KLHL8: variants seen among roughly 807,000 people sequenced by gnomAD.
The protein encoded by KLHL8 is kelch like family member 8, also known as kelch-like protein 8.
KLHL8 carries 38 observed loss-of-function variants against 63.5 expected under a neutral mutation model. The observed-to-expected ratio is 0.60, with a 90% CI of 0.46 to 0.78. The LOEUF is 0.78. KLHL8 is among the 30% of genes least tolerant of loss of function. KLHL8 has a pLI of 0.00. For missense variants in KLHL8, 566 were observed against 752.4 expected, an observed-to-expected ratio of 0.75 and a Z score of 2.90; for synonymous variants, 224 against 254.3, an observed-to-expected ratio of 0.88 and a Z score of 1.13.
intron 1 of KLHL8, among the ~76,000 whole-genome samples, chr4:87,202,808 T>C (rs1731972239): frequency 6.6e-6 from 1 of 152,180 alleles, no homozygotes. Flanking sequence ...TTCCAACTTA[T>C]TTCATGAGAA....
chr4:87,233,114 A>C (rs1733166884), intron 1 of KLHL8, among the ~76,000 whole-genome samples: 1 of 151,906 alleles, frequency 6.6e-6, no homozygotes, highest in Non-Finnish European at 1.5e-5. Context: ...ATCTTGGCTC[A>C]CTGCAACCTT....
rs71660119 is a variant in KLHL8, at chr4:87,161,041, C to CTTTTTTTT, written c.*2470_*2477dup. 1 of 115,084 alleles carries CTTTTTTTT rather than the reference C, an allele frequency of 8.7e-6. No homozygotes were observed. Among genetic ancestry groups the CTTTTTTTT allele is most frequent in the Non-Finnish European group, 1.7e-5 (1 of 57,794 alleles). The allele number at this position is 115,084 out of a possible 1,614,324, so 7.1% of individuals were successfully genotyped here. A position where few individuals can be genotyped will look rare whatever the true frequency, so the allele number is the denominator to read the frequency against. ...GCACATATTGATTCTGCTTTTTTATCTTTTTTTTTTTTTTTTTTTTGAGAT... is the reference window on the plus strand; with the variant it reads ...GCACATATTGATTCTGCTTTTTTATCTTTTTTTTTTTTTTTTTTTTTTTTTTTTGAGAT... On this transcript the variant is annotated 3_prime_UTR_variant, in exon 10 of 10. Transcript: ENST00000273963.
intron 8 of KLHL8, among the ~76,000 whole-genome samples, chr4:87,164,508 T>G (rs1160188582): frequency 2.0e-5 from 3 of 152,230 alleles, no homozygotes; most frequent in African/African-American, 2.4e-5. Flanking sequence ...TGAATCATGA[T>G]TCATCCAGAT....
chr4:87,214,279 A>G (rs1322074695), intron 1 of KLHL8, among the ~76,000 whole-genome samples: 2 of 150,980 alleles, frequency 1.3e-5, no homozygotes, highest in African/African-American at 4.9e-5. Flanking sequence ...TTGTATATTC[A>G]TTGTATGATA....
At chr4:87,188,881 G>A (rs1731362092) in intron 2 of KLHL8, among the ~76,000 whole-genome samples, 2 of 152,182 alleles carry the variant, frequency 1.3e-5, no homozygotes, top group African/African-American at 4.8e-5. Context: ...ATATGTCCCT[G>A]ATACTACTTA....
upstream of KLHL8, among the ~76,000 whole-genome samples, chr4:87,222,046 G>A (rs1022462326): frequency 7.9e-5 from 12 of 152,078 alleles, no homozygotes; most frequent in Non-Finnish European, 1.3e-4. Flanking sequence ...TACCCCTCCT[G>A]CCTCTCAATT....
At chr4:87,204,236 C>A (rs1170285631) in intron 1 of KLHL8, among the ~76,000 whole-genome samples, 3 of 152,122 alleles carry the variant, frequency 2.0e-5, no homozygotes, top group Non-Finnish European at 4.4e-5. Context: ...CCCATACACA[C>A]ACCCCACAAC....
chr4:87,169,420 C>T (rs1449415705), intron 8 of KLHL8, among the ~76,000 whole-genome samples: 2 of 152,188 alleles, frequency 1.3e-5, no homozygotes, highest in South Asian at 4.1e-4. Context: ...TAGCAAAGCA[C>T]ATTCAATCTG....
chr4:87,224,477 G>A (rs4355355), upstream of KLHL8, among the ~76,000 whole-genome samples: 24,441 of 152,116 alleles, frequency 0.16, 2,298 homozygotes, highest in South Asian at 0.24. Flanking sequence ...TCATTTGCTA[G>A]GGAGGCAAAG....
intron 8 of KLHL8, 105 bp downstream of exon 8, chr4:87,169,974 G>A: frequency 1.2e-6 from 1 of 840,110 alleles, no homozygotes. Flanking sequence ...CACATTTCAG[G>A]ACCGATTCTA....
Position 87,163,448 on chromosome 4 carries a change from G to T in KLHL8, c.*71C>A. 1.3e-6 allele frequency: 2 copies of T among 1,506,252 alleles called. No individual in the cohort carries two copies. The highest frequency in any genetic ancestry group is 1.2e-5 in the South Asian group (1 of 80,732). 93.3% of individuals were successfully genotyped at this position (1,506,252 alleles called of 1,614,324 possible). On this transcript the variant is annotated 3_prime_UTR_variant, in exon 10 of 10. Transcript: ENST00000273963. The stretch of plus-strand genomic sequence containing the variant: ...TTGCAGTAAAAAGTGTTGAAAGGTG[G>T]TCATATCAAAATCTTGGTTTTCTTT...
rs762705445 is a variant in KLHL8, at chr4:87,168,649, G to GAT, written c.1537+1428_1537+1429dup. Among the ~76,000 whole-genome samples, 1,395 of 147,366 alleles carry GAT rather than the reference G, an allele frequency of 9.5e-3. 32 individuals are homozygous for GAT. The highest frequency in any genetic ancestry group is 0.032 in the African/African-American group (1,272 of 39,828). On this transcript the variant is annotated intron_variant, in intron 8 of 9. Coordinates refer to ENST00000273963, the MANE Select transcript of KLHL8 (RefSeq NM_020803.5). ...CACTGGAGATTTTTATTTTTTAAAA[G>GAT]ATATATATATGTATATATATGTGTG...
chr4:87,185,195 G>A (rs562122654), intron 3 of KLHL8, 56 bp downstream of exon 3: 1 of 1,401,746 alleles, frequency 7.1e-7, no homozygotes, highest in Non-Finnish European at 9.7e-7. Context: ...AATGAAGCAT[G>A]TTGATTTGCT....
intron 2 of KLHL8, among the ~76,000 whole-genome samples, chr4:87,189,785 C>T (rs180905918): frequency 6.6e-5 from 10 of 151,452 alleles, no homozygotes; most frequent in South Asian, 6.3e-4. Context: ...GCACTTTGGG[C>T]GGGATCCACC....
intron 1 of KLHL8, among the ~76,000 whole-genome samples, chr4:87,198,650 A>G (rs892062268): frequency 2.0e-5 from 3 of 152,238 alleles, no homozygotes; most frequent in African/African-American, 7.2e-5. Flanking sequence ...AGGTTAGGGA[A>G]GGATGAGAGG....
At chr4:87,223,521 C>A (rs1732921331), upstream of KLHL8, among the ~76,000 whole-genome samples, 1 of 152,048 alleles carries the variant, frequency 6.6e-6, no homozygotes, top group African/African-American at 2.4e-5. Flanking sequence ...TCCCTGCTCT[C>A]ATGGAGACTT....
At chr4:87,217,321 C>A (rs1270440327) in intron 1 of KLHL8, among the ~76,000 whole-genome samples, 1 of 151,262 alleles carries the variant, frequency 6.6e-6, no homozygotes, top group Non-Finnish European at 1.5e-5. Context: ...ATTTATCCTC[C>A]CTCATCTCTT....
intron 8 of KLHL8, among the ~76,000 whole-genome samples, chr4:87,168,627 T>G (rs1454670835): frequency 2.7e-5 from 4 of 150,902 alleles, no homozygotes; most frequent in African/African-American, 9.7e-5. Context: ...TCTGCAACAC[T>G]GGAGATTTTT....
At chr4:87,223,365 A>G (rs1239778120), upstream of KLHL8, among the ~76,000 whole-genome samples, 1 of 152,186 alleles carries the variant, frequency 6.6e-6, no homozygotes, top group African/African-American at 2.4e-5. Context: ...TGACATATAC[A>G]CAATAAACTA....
Sources: allele counts gnomAD v4.1 joint callset (sites outside exome capture counted in the v4.1 genomes callset), GRCh38; gene constraint gnomAD v4.1.1; transcripts MANE v1.5; gene names NCBI Gene and HGNC (gene_info 2026-07-23, HGNC 2026-07-21).